The following NAALADL2 variants were observed in gnomAD, a reference collection of about 807,000 sequenced individuals.
NAALADL2 encodes the protein N-acetylated alpha-linked acidic dipeptidase like 2.
NAALADL2 carries 76 observed loss-of-function variants against 87.2 expected under a neutral mutation model. The ratio of observed to expected loss-of-function variants is 0.87; its 90% CI spans 0.72 to 1.05. The LOEUF (loss-of-function observed/expected upper bound fraction) is 1.05. Among genes scored for constraint, NAALADL2 ranks in the 50% least tolerant of loss-of-function variants. NAALADL2 has a pLI of 0.00. For missense variants in NAALADL2, 1,089 were observed against 945.8 expected, an observed-to-expected ratio of 1.15 and a Z score of -1.99; for synonymous variants, 354 against 331.0, an observed-to-expected ratio of 1.07 and a Z score of -0.75.
intron 11 of NAALADL2, among the ~76,000 whole-genome samples, chr3:175,726,033 G>A (rs1742870156): frequency 6.6e-6 from 1 of 151,918 alleles, no homozygotes; most frequent in African/African-American, 2.4e-5. Context: ...AGAACACTAA[G>A]AAATATTAAC....
intron 1 of NAALADL2, among the ~76,000 whole-genome samples, chr3:174,497,546 C>T (rs1051325218): frequency 1.1e-4 from 16 of 152,132 alleles, no homozygotes; most frequent in African/African-American, 3.4e-4. Context: ...AGGTATACTT[C>T]CTCCATGGTC....
At chr3:175,696,005 CCTTGAT>C (rs1560989587) in intron 11 of NAALADL2, among the ~76,000 whole-genome samples, 4 of 152,030 alleles carry the variant, frequency 2.6e-5, no homozygotes, top group Non-Finnish European at 5.9e-5. Flanking sequence ...TTTTGTTATT[CCTTGAT>C]CTTGATCTTT....
At chr3:174,910,116 T>G (rs193053371) in intron 1 of NAALADL2, among the ~76,000 whole-genome samples, 4 of 152,002 alleles carry the variant, frequency 2.6e-5, no homozygotes, top group African/African-American at 4.8e-5. Context: ...ATGTAGTTGA[T>G]TTTTTAGAGA....
At chr3:175,380,665 A>G (rs948694409) in intron 5 of NAALADL2, among the ~76,000 whole-genome samples, 3 of 152,174 alleles carry the variant, frequency 2.0e-5, no homozygotes, top group Non-Finnish European at 4.4e-5. Flanking sequence ...ATAGGCAGAA[A>G]TGCAGAAATC....
chr3:175,703,733 A>C (rs1163174704), intron 11 of NAALADL2, among the ~76,000 whole-genome samples: 4 of 152,088 alleles, frequency 2.6e-5, no homozygotes, highest in Admixed American at 2.6e-4. Flanking sequence ...ACAGAGCGAG[A>C]CTCCATCTCA....
intron 11 of NAALADL2, among the ~76,000 whole-genome samples, chr3:175,708,457 A>G (rs1175195974): frequency 2.6e-5 from 4 of 152,092 alleles, no homozygotes; most frequent in African/African-American, 9.7e-5. Flanking sequence ...TTCAAGAAAT[A>G]TTAAGTTATT....
chr3:175,592,768 T>C lies in NAALADL2; in HGVS notation c.1800+16581T>C, dbSNP rs193047092. Among the ~76,000 whole-genome samples, 608 of 149,640 alleles carry C rather than the reference T, an allele frequency of 4.1e-3. 7 individuals carry two copies. Among genetic ancestry groups the C allele is most frequent in the African/African-American group, 0.014 (570 of 40,778 alleles). On this transcript the variant is annotated intron_variant, in intron 10 of 13. Coordinates refer to ENST00000454872, the MANE Select transcript of NAALADL2 (RefSeq NM_207015.3). ...GTGGGGGGAGGGGTGAGGGATAGCATTGGGAGATATACCTAATGCTAGATG... is the reference window on the plus strand; with the variant it reads ...GTGGGGGGAGGGGTGAGGGATAGCACTGGGAGATATACCTAATGCTAGATG...
chr3:175,355,493 A>G (rs958130688), intron 5 of NAALADL2, among the ~76,000 whole-genome samples: 7 of 152,136 alleles, frequency 4.6e-5, no homozygotes, highest in Non-Finnish European at 8.8e-5. Context: ...ACATTAAACT[A>G]CCTTTACTGA....
intron 2 of NAALADL2, among the ~76,000 whole-genome samples, chr3:175,099,160 T>C (rs1721692906): frequency 6.6e-6 from 1 of 152,162 alleles, no homozygotes; most frequent in Admixed American, 6.6e-5. Flanking sequence ...AATAGCTGGC[T>C]TATGTCTGCT....
intron 2 of NAALADL2, among the ~76,000 whole-genome samples, chr3:174,727,216 A>G (rs1732282381): frequency 6.7e-6 from 1 of 149,732 alleles, no homozygotes; most frequent in African/African-American, 2.5e-5. Flanking sequence ...CAATATTTTG[A>G]CTATACAAAT....
chr3:174,603,419 T>C (rs555636749), intron 2 of NAALADL2, among the ~76,000 whole-genome samples: 45 of 152,162 alleles, frequency 3.0e-4, no homozygotes, highest in Middle Eastern at 3.4e-3. Context: ...TTTCCACTAA[T>C]GATTCTTTGA....
chr3:175,502,718 T>C (rs962208136), intron 9 of NAALADL2, among the ~76,000 whole-genome samples: 5 of 152,094 alleles, frequency 3.3e-5, no homozygotes, highest in Admixed American at 6.6e-5. Flanking sequence ...TACATACATA[T>C]ATATATTGCT....
chr3:175,362,072 A>C (rs1400606284), intron 5 of NAALADL2, among the ~76,000 whole-genome samples: 1 of 148,390 alleles, frequency 6.7e-6, no homozygotes. Context: ...ATCCAGTTTC[A>C]GCTTTCTACA....
intron 9 of NAALADL2, among the ~76,000 whole-genome samples, chr3:175,538,568 G>A (rs965671664): frequency 6.6e-6 from 1 of 151,950 alleles, no homozygotes; most frequent in African/African-American, 2.4e-5. Context: ...TCCTAATATT[G>A]AATTATATAG....
chr3:174,847,041 T>A (rs77339862), intron 3 of NAALADL2, among the ~76,000 whole-genome samples: 3,524 of 152,234 alleles, frequency 0.023, 113 homozygotes, highest in African/African-American at 0.069. Context: ...GGAAAATGTG[T>A]TGGTGGAAAC....
chr3:174,466,677 G>C (rs1163115309), intron 1 of NAALADL2, among the ~76,000 whole-genome samples: 1 of 152,142 alleles, frequency 6.6e-6, no homozygotes, highest in Non-Finnish European at 1.5e-5. Flanking sequence ...AGGACCCCCA[G>C]TGAGAACATT....
chr3:175,509,718 C>A (rs192743423), intron 9 of NAALADL2, among the ~76,000 whole-genome samples: 3 of 152,084 alleles, frequency 2.0e-5, no homozygotes, highest in Non-Finnish European at 2.9e-5. Context: ...TAAGGACATG[C>A]GAGAGACTGG....
chr3:174,925,435 T>G (rs1421936017), intron 1 of NAALADL2, among the ~76,000 whole-genome samples: 13 of 152,234 alleles, frequency 8.5e-5, no homozygotes. Flanking sequence ...TCTATATCTC[T>G]GTTTTGGTAC....
At chr3:174,947,415 T>A (rs1042308086) in intron 1 of NAALADL2, among the ~76,000 whole-genome samples, 3 of 152,182 alleles carry the variant, frequency 2.0e-5, no homozygotes, top group Non-Finnish European at 4.4e-5. Flanking sequence ...TTTATAGGCA[T>A]AATCTGAATA....
Sources: gnomAD v4.1 joint callset for allele counts (sites outside exome capture counted in the v4.1 genomes callset) on GRCh38, gnomAD v4.1.1 for gene constraint, MANE v1.5 for transcripts, NCBI Gene and HGNC (gene_info 2026-07-23, HGNC 2026-07-21) for gene names.